The following PTHLH variants were observed in gnomAD, a reference collection of about 807,000 sequenced individuals.
The protein encoded by PTHLH is parathyroid hormone like hormone.
PTHLH carries 5 observed loss-of-function variants against 18.6 expected under a neutral mutation model. The observed-to-expected ratio is 0.27, with a 90% CI of 0.14 to 0.56. PTHLH has a LOEUF of 0.56. Ranked by LOEUF, PTHLH falls within the 20% of genes least tolerant of loss-of-function variation. The pLI, the probability that PTHLH is intolerant of heterozygous loss-of-function variation, is 0.92. For missense variants in PTHLH, 207 were observed against 223.9 expected (o/e 0.92, Z 0.48); for synonymous variants, 90 against 94.0 (o/e 0.96, Z 0.25).
intron 1 of PTHLH, 38 bp from the exon 2 acceptor site, chr12:27,972,057 C>T (rs1018140671): frequency 7.9e-6 from 1 of 126,444 alleles, no homozygotes; most frequent in Non-Finnish European, 1.7e-5. Flanking sequence ...AAAAGTCAAT[C>T]ACAAATGAGC....
intron 5 of PTHLH, 94 bp from the exon 6 acceptor site, chr12:27,958,662 GCA>G: frequency 8.2e-7 from 1 of 1,213,250 alleles, no homozygotes; most frequent in South Asian, 1.5e-5. Context: ...GCTAAGGAAT[GCA>G]AAATCACAAT....
In PTHLH at chr12:27,970,173, C is replaced by T. The variant is rs999155771; in HGVS notation, c.-171G>A. ...CGGAGCGGCAGGGAGGCGGCAGCCCCGCTTCACGGGCGGGGAGACATGCTG... is the reference window on the plus strand; with the variant it reads ...CGGAGCGGCAGGGAGGCGGCAGCCCTGCTTCACGGGCGGGGAGACATGCTG... On this transcript the variant is annotated 5_prime_UTR_variant, in exon 3 of 6. Coordinates refer to ENST00000545234, the MANE Select transcript of PTHLH (RefSeq NM_198965.2). The T allele has an allele frequency of 1.7e-5, 9 of 516,060 alleles. No homozygotes were observed. The highest frequency in any genetic ancestry group is 3.5e-5 in the Non-Finnish European group (9 of 258,878). The allele number at this position is 516,060 out of a possible 1,614,324, so 32.0% of individuals were successfully genotyped here.
chr12:27,962,221 A>G (rs1463195200), intron 5 of PTHLH: 1 of 397,406 alleles, frequency 2.5e-6, no homozygotes, highest in Non-Finnish European at 4.4e-6. Flanking sequence ...GCCTCATAGA[A>G]ACATACCCCC....
intron 5 of PTHLH, chr12:27,961,962 TC>T (rs1591847087): frequency 1.4e-6 from 1 of 719,716 alleles, no homozygotes; most frequent in Non-Finnish European, 2.5e-6. Flanking sequence ...TCTGTTGTTT[TC>T]CTTTTTTTTT....
At chr12:27,967,957 GA>G (rs1215485989) in intron 4 of PTHLH, among the ~76,000 whole-genome samples, 1 of 152,096 alleles carries the variant, frequency 6.6e-6, no homozygotes, top group African/African-American at 2.4e-5. Context: ...CAACTTTAAA[GA>G]AAAAATTGGC....
chr12:27,962,410 T>C, intron 5 of PTHLH: 1 of 401,774 alleles, frequency 2.5e-6, no homozygotes, highest in Non-Finnish European at 3.4e-6. Flanking sequence ...CTCTATGAGG[T>C]TGGTACAATT....
intron 2 of PTHLH, among the ~76,000 whole-genome samples, chr12:27,970,556 C>T (rs1283874695): frequency 2.0e-5 from 3 of 151,830 alleles, no homozygotes; most frequent in African/African-American, 7.2e-5. Context: ...GTGCCGGGGG[C>T]GTGGGCGCAT....
intron 5 of PTHLH, among the ~76,000 whole-genome samples, chr12:27,961,291 A>ATATATATATACGTG (rs1565520034): frequency 4.1e-5 from 1 of 24,382 alleles, no homozygotes; most frequent in Non-Finnish European, 8.8e-5. Context: ...ATATACGTAT[A>ATATATATATACGTG]TATATATACG....
intron 2 of PTHLH, among the ~76,000 whole-genome samples, chr12:27,971,676 G>C (rs894373341): frequency 3.3e-5 from 5 of 151,490 alleles, no homozygotes; most frequent in African/African-American, 7.3e-5. Context: ...TAGGTTGGGT[G>C]GGGGGGCATA....
intron 5 of PTHLH, chr12:27,962,039 C>T (rs2062766281): frequency 1.6e-6 from 1 of 632,280 alleles, no homozygotes; most frequent in Non-Finnish European, 2.8e-6. Flanking sequence ...AATGGAAATG[C>T]ATCGATAAAG....
In PTHLH at chr12:27,963,579, T is replaced by G. The variant is rs1437950695; in HGVS notation, c.293A>C (p.Asp98Ala). Residue 98 changes from aspartate (D) to alanine (A), a missense_variant, in exon 5 of 6, where the codon GAT becomes GCT. By Grantham distance (126) the Asp-to-Ala change is moderately radical. Coordinates refer to ENST00000545234, the MANE Select transcript of PTHLH (RefSeq NM_198965.2). ...TKNHPVRFGS[D>A]DEGRYLTQET... Reference sequence around the variant, plus strand: ...CTGAGTTAGGTATCTGCCCTCATCATCAGACCCAAATCGGACGGGGTGGTT... The same window carrying G: ...CTGAGTTAGGTATCTGCCCTCATCAGCAGACCCAAATCGGACGGGGTGGTT... The G allele has an allele frequency of 6.2e-7, 1 of 1,614,090 alleles. No individual in the cohort carries two copies. Among genetic ancestry groups the G allele is most frequent in the Non-Finnish European group, 8.5e-7 (1 of 1,180,042 alleles).
chr12:27,969,641 G>T (rs1565525441), intron 3 of PTHLH, 125 bp from the exon 4 acceptor site: 1 of 911,988 alleles, frequency 1.1e-6, no homozygotes, highest in Non-Finnish European at 1.8e-6. Context: ...CTCCCAAGTT[G>T]AAAAGAAAAA....
At chr12:27,962,413 G>A in intron 5 of PTHLH, 1 of 434,638 alleles carries the variant, frequency 2.3e-6, no homozygotes, top group South Asian at 9.6e-5. Context: ...TATGAGGTTG[G>A]TACAATTATA....
Position 27,969,527 on chromosome 12 carries a change from A to T in PTHLH, c.-22-11T>A. 1 of 1,544,524 alleles carries T rather than the reference A, an allele frequency of 6.5e-7. No individual in the cohort carries two copies. The highest frequency in any genetic ancestry group is 1.2e-5 in the South Asian group (1 of 84,788). On this transcript the variant is annotated splice_polypyrimidine_tract_variant and intron_variant, in intron 3 of 5. Transcript: ENST00000545234. ...GCTCGCGCTCGGGACCTGCAACAGA[A>T]GGGAATGGGACCCGAGTGTCAGTCT... is the stretch of plus-strand genomic sequence containing the variant.
intron 2 of PTHLH, among the ~76,000 whole-genome samples, chr12:27,971,336 T>A (rs1314494710): frequency 1.3e-5 from 2 of 152,108 alleles, no homozygotes; most frequent in Non-Finnish European, 2.9e-5. Flanking sequence ...CTGGGTAGTA[T>A]CATCTAGGAA....
At position 27,958,316 on chromosome 12, in the gene PTHLH, A is replaced by G. The variant is rs556450662; in HGVS notation, c.*243T>C. The G allele has an allele frequency of 2.8e-6, 1 of 358,546 alleles. No individual in the cohort carries two copies. Among genetic ancestry groups the G allele is most frequent in the Admixed American group, 4.6e-5 (1 of 21,730 alleles). 22.2% of individuals were successfully genotyped at this position (358,546 alleles called of 1,614,324 possible). A position where few individuals can be genotyped will look rare whatever the true frequency, so the allele number is the denominator to read the frequency against. On this transcript the variant is annotated 3_prime_UTR_variant, in exon 6 of 6. Transcript: ENST00000545234. ...AATTCAGCAGCACCAAGATACATTT[A>G]CAAAATAAATACATCAATGGACAAA...
At chr12:27,969,109 T>G (rs1264980003) in intron 4 of PTHLH, 1 of 435,352 alleles carries the variant, frequency 2.3e-6, no homozygotes, top group African/African-American at 2.0e-5. Flanking sequence ...TCTTTTCCAC[T>G]AGAGGCAGAG....
chr12:27,963,451 G>T lies in PTHLH; in HGVS notation c.421C>A (p.Arg141=), dbSNP rs2062779531. The change falls in exon 5 of 6, where the codon CGG becomes AGG. Residue 141 remains arginine (R), a synonymous_variant. Transcript: ENST00000545234. The part of the protein sequence containing the change: ...GKRKEQEKKK[R]RTRSAWLDSG... ...TCTAACCAGGCAGAGCGAGTTCGCC[G>T]TTTTTTCTTTTCCTGCTCCTTGCGT... 1 of 1,614,168 alleles carries T rather than the reference G, an allele frequency of 6.2e-7. No homozygotes were observed. Among genetic ancestry groups the T allele is most frequent in the Non-Finnish European group, 8.5e-7 (1 of 1,180,034 alleles).
intron 1 of PTHLH, 36 bp downstream of exon 1, chr12:27,972,487 G>C (rs143464884): frequency 6.6e-6 from 1 of 152,018 alleles, no homozygotes; most frequent in Non-Finnish European, 1.5e-5. Context: ...TTATATACTC[G>C]GAATACCAAA....
Sources: gnomAD v4.1 joint callset for allele counts (sites outside exome capture counted in the v4.1 genomes callset) on GRCh38, gnomAD v4.1.1 for gene constraint, MANE v1.5 for transcripts, NCBI Gene and HGNC (gene_info 2026-07-23, HGNC 2026-07-21) for gene names.